KHDRBS2: variants seen among roughly 807,000 people sequenced by gnomAD.
KHDRBS2 encodes the protein KH domain-containing, RNA-binding, signal transduction-associated protein 2.
A neutral mutation model predicts 44.3 loss-of-function variants in KHDRBS2; 26 were observed. The ratio of observed to expected loss-of-function variants is 0.59; its 90% CI spans 0.43 to 0.81. KHDRBS2 has a LOEUF of 0.81. Ranked by LOEUF, KHDRBS2 falls within the 40% of genes least tolerant of loss-of-function variation. The pLI, the probability that KHDRBS2 is intolerant of heterozygous loss-of-function variation, is 0.00. For synonymous variants in KHDRBS2, 194 were observed against 151.1 expected, an observed-to-expected ratio of 1.28 and a Z score of -2.08; for missense variants, 476 against 433.1, an observed-to-expected ratio of 1.10 and a Z score of -0.88.
chr6:61,814,326 ATG>A (rs1303648173), intron 6 of KHDRBS2, among the ~76,000 whole-genome samples: 1 of 152,162 alleles, frequency 6.6e-6, no homozygotes, highest in East Asian at 1.9e-4. Context: ...TAAAAACTAT[ATG>A]TGGCCGGGAG....
At chr6:61,609,372 A>G in the KHDRBS2 span, among the ~76,000 whole-genome samples, 1 of 152,162 alleles carries the variant, frequency 6.6e-6, no homozygotes, top group Non-Finnish European at 1.5e-5. Context: ...ATCGGCAATG[A>G]CGACAACAAA....
intron 2 of KHDRBS2, among the ~76,000 whole-genome samples, chr6:62,087,848 T>G (rs540443041): frequency 2.0e-5 from 3 of 152,214 alleles, no homozygotes; most frequent in Non-Finnish European, 2.9e-5. Context: ...GTAGGTTTAG[T>G]TTTTTCACGT....
chr6:62,225,219 A>G (rs1173308629), intron 1 of KHDRBS2, among the ~76,000 whole-genome samples: 1 of 152,180 alleles, frequency 6.6e-6, no homozygotes, highest in African/African-American at 2.4e-5. Context: ...AATCTGATCA[A>G]TCCAGGAGGG....
chr6:61,728,917 A>C (rs1328478744), intron 7 of KHDRBS2, among the ~76,000 whole-genome samples: 2 of 152,174 alleles, frequency 1.3e-5, no homozygotes, highest in Non-Finnish European at 2.9e-5. Context: ...AAGACAATGT[A>C]ATGATTCTTC....
chr6:61,913,751 G>T (rs1469809515), intron 4 of KHDRBS2, among the ~76,000 whole-genome samples: 2 of 152,058 alleles, frequency 1.3e-5, no homozygotes, highest in Non-Finnish European at 2.9e-5. Flanking sequence ...CCTACTCAAA[G>T]AGGTAATATA....
intron 6 of KHDRBS2, among the ~76,000 whole-genome samples, chr6:61,785,792 A>T (rs1783718590): frequency 6.6e-6 from 1 of 152,154 alleles, no homozygotes; most frequent in Non-Finnish European, 1.5e-5. Flanking sequence ...TGGAAAAAAG[A>T]GAAAACAAAA....
chr6:61,933,954 C>CA (rs1810557924), intron 4 of KHDRBS2, among the ~76,000 whole-genome samples: 1 of 152,122 alleles, frequency 6.6e-6, no homozygotes, highest in Non-Finnish European at 1.5e-5. Context: ...ATATCCTCAT[C>CA]AAAACTGGCT....
chr6:61,555,102 C>T, the KHDRBS2 span, among the ~76,000 whole-genome samples: 1 of 152,056 alleles, frequency 6.6e-6, no homozygotes, highest in East Asian at 1.9e-4. Context: ...ATATGTTTTC[C>T]AAGTTGTTTT....
the KHDRBS2 span, chr6:61,661,147 C>T: frequency 6.6e-6 from 1 of 151,688 alleles, no homozygotes; most frequent in African/African-American, 2.4e-5. Context: ...TTAATGTCTC[C>T]ACTTAGCTTC....
At chr6:61,956,209 A>G (rs1562524108) in intron 4 of KHDRBS2, among the ~76,000 whole-genome samples, 1 of 151,974 alleles carries the variant, frequency 6.6e-6, no homozygotes, top group Non-Finnish European at 1.5e-5. Flanking sequence ...AAACAAAAAC[A>G]AAAAAACAGA....
the KHDRBS2 span, among the ~76,000 whole-genome samples, chr6:61,662,079 T>C: frequency 1.3e-5 from 2 of 152,002 alleles, no homozygotes; most frequent in Non-Finnish European, 2.9e-5. Flanking sequence ...AACAGAGCCC[T>C]CAGAAATAAT....
chr6:62,131,504 G>A (rs2150090309), intron 2 of KHDRBS2, among the ~76,000 whole-genome samples: 1 of 152,328 alleles, frequency 6.6e-6, no homozygotes, highest in South Asian at 2.1e-4. Flanking sequence ...GAACGAGGGA[G>A]CCGAGGTTAG....
At chr6:61,559,701 A>G in the KHDRBS2 span, among the ~76,000 whole-genome samples, 3 of 152,186 alleles carry the variant, frequency 2.0e-5, no homozygotes, top group Non-Finnish European at 4.4e-5. Flanking sequence ...GACAACTTAT[A>G]AAAACTCTAC....
At chr6:62,048,766 C>T (rs1413500395) in intron 2 of KHDRBS2, among the ~76,000 whole-genome samples, 1 of 151,896 alleles carries the variant, frequency 6.6e-6, no homozygotes, top group Admixed American at 6.6e-5. Context: ...ATGTTAGCTA[C>T]TAAAAGGAAC....
At chr6:61,808,009 C>T (rs1719143925) in intron 6 of KHDRBS2, among the ~76,000 whole-genome samples, 1 of 151,994 alleles carries the variant, frequency 6.6e-6, no homozygotes. Context: ...CTTTTTCAGT[C>T]ACTTAAAGCA....
chr6:61,869,834 GT>G (rs1272598491), intron 6 of KHDRBS2, among the ~76,000 whole-genome samples: 1 of 152,130 alleles, frequency 6.6e-6, no homozygotes, highest in Non-Finnish European at 1.5e-5. Flanking sequence ...CCCAGATACT[GT>G]GCTTTTCCCA....
chr6:62,194,473 T>TTC, intron 1 of KHDRBS2, among the ~76,000 whole-genome samples: 1 of 145,628 alleles, frequency 6.9e-6, no homozygotes, highest in Non-Finnish European at 1.5e-5. Context: ...TTTCTTTTCT[T>TTC]TTCTTCCTTT....
chr6:62,276,051 G>A (rs1227500020), intron 1 of KHDRBS2, among the ~76,000 whole-genome samples: 2 of 152,134 alleles, frequency 1.3e-5, no homozygotes, highest in Admixed American at 6.5e-5. Context: ...CTGAGTTGCA[G>A]TCAGGGCTCA....
intron 6 of KHDRBS2, among the ~76,000 whole-genome samples, chr6:61,743,979 A>G (rs1582550226): frequency 6.6e-6 from 1 of 151,970 alleles, no homozygotes; most frequent in Non-Finnish European, 1.5e-5. Flanking sequence ...TTATGGCTGC[A>G]TAGTATTCCA....
Sources: allele counts gnomAD v4.1 joint callset (sites outside exome capture counted in the v4.1 genomes callset), GRCh38; gene constraint gnomAD v4.1.1; transcripts MANE v1.5; gene names NCBI Gene and HGNC (gene_info 2026-07-23, HGNC 2026-07-21).